BRSK2: variants seen among roughly 807,000 people sequenced by gnomAD.
BRSK2 encodes serine/threonine-protein kinase BRSK2.
Under a neutral mutation model 83.3 loss-of-function variants are expected in BRSK2, and 19 were observed. The ratio of observed to expected loss-of-function variants is 0.23; its 90% CI spans 0.16 to 0.33. BRSK2 has a LOEUF of 0.33. Among genes scored for constraint, BRSK2 ranks in the 10% least tolerant of loss-of-function variants. The probability of loss-of-function intolerance (pLI) is 1.00; values close to 1 mark genes in which losing one functional copy is unlikely to be tolerated. For missense variants in BRSK2, 798 were observed against 1,042.3 expected (o/e 0.77, Z 3.23); for synonymous variants, 519 against 435.4 (o/e 1.19, Z -2.39).
intron 1 of BRSK2, among the ~76,000 whole-genome samples, chr11:1,425,793 G>T (rs904839466): frequency 2.0e-5 from 3 of 152,196 alleles, no homozygotes; most frequent in Non-Finnish European, 4.4e-5. Flanking sequence ...CACCCGACAG[G>T]GTCCCCAGGT....
chr11:1,395,713 C>T (rs980134291), intron 1 of BRSK2, among the ~76,000 whole-genome samples: 26 of 152,202 alleles, frequency 1.7e-4, no homozygotes, highest in African/African-American at 2.2e-4. Flanking sequence ...GGGCACCGCC[C>T]GGCCCTGATC....
rs183775968 is a variant in BRSK2 at position 1,420,928 on chromosome 11, C to T, written c.92-15112C>T. Among the ~76,000 whole-genome samples, 213 of 152,360 alleles carry T rather than the reference C, an allele frequency of 1.4e-3. 1 individual carries two copies. The highest frequency in any genetic ancestry group is 4.6e-3 in the African/African-American group (191 of 41,576). On this transcript the variant is annotated intron_variant, in intron 1 of 19. Coordinates refer to ENST00000528841, the MANE Select transcript of BRSK2 (RefSeq NM_001256627.2). ...GGGAGGGGCCTGTGCCCCCCAGGGC[C>T]CCCTCGGCCCTCTGGCTGGGTGCTG... is the stretch of plus-strand genomic sequence containing the variant.
intron 1 of BRSK2, among the ~76,000 whole-genome samples, chr11:1,406,300 A>G (rs145858693): frequency 1.1e-4 from 17 of 152,304 alleles, no homozygotes; most frequent in Middle Eastern, 6.8e-3. Flanking sequence ...CATCTCTACT[A>G]AAAATACAAA....
intron 1 of BRSK2, among the ~76,000 whole-genome samples, chr11:1,429,091 CGTGCATGT>C (rs1849610878): frequency 7.6e-6 from 1 of 132,250 alleles, no homozygotes; most frequent in Admixed American, 7.7e-5. Flanking sequence ...GTCCTGGGTG[CGTGCATGT>C]GTGCACTCGG....
chr11:1,402,198 A>T (rs2134054379), intron 1 of BRSK2, among the ~76,000 whole-genome samples: 1 of 152,286 alleles, frequency 6.6e-6, no homozygotes. Context: ...CGCTCTCCAG[A>T]GGCGGTGGGT....
Position 1,400,773 on chromosome 11 carries a change from C to A in BRSK2, c.91+10398C>A, listed in dbSNP as rs549843568. On this transcript the variant is annotated intron_variant, in intron 1 of 19. Coordinates refer to ENST00000528841, the MANE Select transcript of BRSK2 (RefSeq NM_001256627.2). ...CGGCTCTGCCTGGGCCCTGCGGCCA[C>A]CCACCCCGGACACTGTGGCACTGGG... 3.3e-5 allele frequency among the ~76,000 whole-genome samples: 5 copies of A among 152,316 alleles called. No individual in the cohort carries two copies. In the East Asian group the frequency reaches 9.7e-4, roughly 29 times the overall value.
intron 1 of BRSK2, among the ~76,000 whole-genome samples, chr11:1,396,774 C>T (rs1049012188): frequency 1.3e-5 from 2 of 152,180 alleles, no homozygotes; most frequent in African/African-American, 2.4e-5. Flanking sequence ...GGCTGGTCCC[C>T]GTGACTGCCG....
intron 16 of BRSK2, among the ~76,000 whole-genome samples, chr11:1,455,825 T>C (rs1176104609): frequency 6.6e-6 from 1 of 152,000 alleles, no homozygotes; most frequent in African/African-American, 2.4e-5. Flanking sequence ...GAGTTCTGCT[T>C]CCTGCAGCTG....
chr11:1,408,392 C>T (rs369116364), intron 1 of BRSK2, among the ~76,000 whole-genome samples: 1 of 152,224 alleles, frequency 6.6e-6, no homozygotes, highest in East Asian at 1.9e-4. Context: ...CAGCGTCCAG[C>T]CCCAGGGCAG....
At chr11:1,448,187 C>T (rs1278798638) in intron 12 of BRSK2, among the ~76,000 whole-genome samples, 1 of 152,196 alleles carries the variant, frequency 6.6e-6, no homozygotes, top group Non-Finnish European at 1.5e-5. Context: ...CCTCGGTGGC[C>T]CTGCTGCCCC....
intron 1 of BRSK2, among the ~76,000 whole-genome samples, chr11:1,405,587 G>A (rs1475974310): frequency 6.6e-6 from 1 of 152,086 alleles, no homozygotes; most frequent in Admixed American, 6.5e-5. Flanking sequence ...CAGGGGTCTG[G>A]GATGGGGGAC....
At chr11:1,411,558 G>A (rs757023460) in intron 1 of BRSK2, 16 of 1,574,836 alleles carry the variant, frequency 1.0e-5, no homozygotes, top group Middle Eastern at 1.7e-4. Context: ...CCACACTCCC[G>A]GCCCACAGCT....
chr11:1,447,651 C>T lies in BRSK2; in HGVS notation c.1226+1744C>T, dbSNP rs566612956. 9.0e-4 allele frequency: 674 copies of T among 747,892 alleles called. 9 individuals are homozygous for T. The South Asian group carries it at 0.01, about 12-fold the overall frequency. 46.3% of individuals were successfully genotyped at this position (747,892 alleles called of 1,614,324 possible). On this transcript the variant is annotated intron_variant, in intron 12 of 19. Coordinates refer to ENST00000528841, the MANE Select transcript of BRSK2 (RefSeq NM_001256627.2). ...AGTCACACGGTGCGGGGTGTGCTGT[C>T]TGGCCCAGCCTCCTCTCTCGCCATC...
intron 4 of BRSK2, among the ~76,000 whole-genome samples, chr11:1,442,058 C>T (rs1353532998): frequency 6.9e-6 from 1 of 144,800 alleles, no homozygotes; most frequent in Non-Finnish European, 1.5e-5. Context: ...CCCCTGAGGA[C>T]CCCCTGCACC....
At chr11:1,417,356 A>G (rs1043553443) in intron 1 of BRSK2, among the ~76,000 whole-genome samples, 9 of 152,134 alleles carry the variant, frequency 5.9e-5, no homozygotes, top group Non-Finnish European at 1.3e-4. Context: ...CTGTTCTTCT[A>G]TTGTACCCAC....
intron 8 of BRSK2, 111 bp downstream of exon 8, chr11:1,443,746 G>A (rs976350566): frequency 7.5e-7 from 1 of 1,338,014 alleles, no homozygotes; most frequent in South Asian, 1.5e-5. Context: ...ACCCAGGTGT[G>A]TGGGTCGGTG....
intron 1 of BRSK2, among the ~76,000 whole-genome samples, chr11:1,406,715 G>C (rs1312618307): frequency 6.6e-6 from 1 of 152,226 alleles, no homozygotes; most frequent in Non-Finnish European, 1.5e-5. Flanking sequence ...CCTGCTGGCT[G>C]TGCTGCTGGA....
intron 1 of BRSK2, among the ~76,000 whole-genome samples, chr11:1,395,148 G>A (rs1199455316): frequency 6.6e-6 from 1 of 152,182 alleles, no homozygotes; most frequent in Admixed American, 6.5e-5. Context: ...CCCACATCAG[G>A]CCCTGGCCAT....
rs2133086665 is a variant in BRSK2 at position 1,442,521 on chromosome 11, C to G, written c.445C>G (p.Leu149Val). The G allele has an allele frequency of 6.2e-7, 1 of 1,613,154 alleles. No individual in the cohort carries two copies. The highest frequency in any genetic ancestry group is 8.5e-7 in the Non-Finnish European group (1 of 1,179,766). The change falls in exon 5 of 20, where the codon CTG becomes GTG. Residue 149 changes from leucine to valine, a missense_variant. Leu to Val is a conservative substitution (Grantham distance 32). Transcript: ENST00000528841. ...HRDLKPENLL[L>V]DEKNNIRIAD... ...GGATCTGAAACCTGAAAACCTCCTGCTGGACGAGAAGAACAACATCCGCAT... is the reference window on the plus strand; with the variant it reads ...GGATCTGAAACCTGAAAACCTCCTGGTGGACGAGAAGAACAACATCCGCAT...
Sources: gnomAD v4.1 joint callset for allele counts (sites outside exome capture counted in the v4.1 genomes callset) on GRCh38, gnomAD v4.1.1 for gene constraint, MANE v1.5 for transcripts, NCBI Gene and HGNC (gene_info 2026-07-23, HGNC 2026-07-21) for gene names.